The following PRKCZ variants were observed in gnomAD, a reference collection of about 807,000 sequenced individuals.
PRKCZ encodes protein kinase C zeta.
PRKCZ carries 33 observed loss-of-function variants against 79.5 expected under a neutral mutation model. The observed-to-expected ratio is 0.41, with a 90% CI of 0.31 to 0.55. The LOEUF (loss-of-function observed/expected upper bound fraction) is 0.55, where lower values mean the gene tolerates loss of function less well. Ranked by LOEUF, PRKCZ falls within the 20% of genes least tolerant of loss-of-function variation. The probability of loss-of-function intolerance (pLI) is 0.19; values close to 1 mark genes in which losing one functional copy is unlikely to be tolerated. For missense variants in PRKCZ, 578 were observed against 813.5 expected (o/e 0.71, Z 3.52); for synonymous variants, 342 against 320.9 (o/e 1.07, Z -0.70).
intron 4 of PRKCZ, among the ~76,000 whole-genome samples, chr1:2,102,752 C>T (rs1284735926): frequency 1.3e-5 from 2 of 152,158 alleles, no homozygotes; most frequent in East Asian, 1.9e-4. Flanking sequence ...AGTCTCCTCC[C>T]CCAACCCCCA....
At chr1:2,066,830 A>T (rs959016242) in intron 4 of PRKCZ, among the ~76,000 whole-genome samples, 8 of 152,284 alleles carry the variant, frequency 5.3e-5, no homozygotes, top group African/African-American at 1.9e-4. Context: ...CTGAAGAGGG[A>T]GGATCACTTG....
At chr1:2,106,276 GAA>G (rs1228373750) in intron 4 of PRKCZ, among the ~76,000 whole-genome samples, 1 of 152,228 alleles carries the variant, frequency 6.6e-6, no homozygotes, top group African/African-American at 2.4e-5. Flanking sequence ...CTTGGTACTT[GAA>G]AAGTTTTTAT....
At chr1:2,062,276 C>T (rs1660746073) in intron 4 of PRKCZ, among the ~76,000 whole-genome samples, 1 of 152,134 alleles carries the variant, frequency 6.6e-6, no homozygotes. Context: ...TGCCCCAGCC[C>T]CACCTCCGCT....
intron 4 of PRKCZ, among the ~76,000 whole-genome samples, chr1:2,102,767 T>C (rs2102604948): frequency 6.6e-6 from 1 of 152,236 alleles, no homozygotes; most frequent in East Asian, 1.9e-4. Context: ...CCCCCAACTC[T>C]CCTGCGTCAC....
Position 2,175,286 on chromosome 1 carries a change from G to A in PRKCZ, c.1548G>A (p.Ala516=), listed in dbSNP as rs145818895. 8.8e-5 allele frequency: 142 copies of A among 1,613,574 alleles called. No homozygotes were observed. Among genetic ancestry groups the A allele is most frequent in the Non-Finnish European group, 1.1e-4 (131 of 1,179,842 alleles). The part of the protein sequence containing the change: ...QTGFSDIKSH[A]FFRSIDWDLL... ...GATTTTCTGACATCAAGTCCCACGC[G>A]TTCTTCCGCAGCATAGACTGGGACT... The change falls in exon 16 of 18, where the codon GCG becomes GCA. Residue 516 remains alanine, a synonymous_variant. Transcript: ENST00000378567.
intron 4 of PRKCZ, chr1:2,074,740 C>A (rs1662081009): frequency 1.0e-5 from 2 of 193,504 alleles, no homozygotes; most frequent in African/African-American, 4.7e-5. Context: ...GCTGCGGCGT[C>A]CTGTTTTCTA....
intron 5 of PRKCZ, chr1:2,141,429 T>G (rs1677301692): frequency 1.3e-5 from 2 of 150,374 alleles, no homozygotes; most frequent in Admixed American, 6.7e-5. Context: ...CACTGCAACC[T>G]CTGCCTCCTG....
intron 4 of PRKCZ, among the ~76,000 whole-genome samples, chr1:2,118,522 A>T (rs1671202408): frequency 6.6e-6 from 1 of 151,560 alleles, no homozygotes; most frequent in Non-Finnish European, 1.5e-5. Flanking sequence ...TATTTTTAGT[A>T]GAGACGAGGT....
Position 2,172,335 on chromosome 1 carries a change from T to A in PRKCZ, c.1232T>A (p.Phe411Tyr). ...GLGPGDTTST[F>Y]CGTPNYIAPE... Reference sequence around the variant, plus strand: ...GGCCCTGGTGACACAACGAGCACTTTCTGCGGAACCCCGAATTACATCGCC... The same window carrying A: ...GGCCCTGGTGACACAACGAGCACTTACTGCGGAACCCCGAATTACATCGCC... The change falls in exon 13 of 18, where the codon TTC becomes TAC. Residue 411 changes from phenylalanine to tyrosine, a missense_variant. By Grantham distance (22) the Phe-to-Tyr change is conservative (BLOSUM62 3). Transcript: ENST00000378567. The surrounding 1 kb of genome is among the most constrained non-coding windows in gnomAD (Gnocchi z 7.8). 1 of 1,613,580 alleles carries A rather than the reference T, an allele frequency of 6.2e-7. No homozygotes were observed. The highest frequency in any genetic ancestry group is 8.5e-7 in the Non-Finnish European group (1 of 1,180,018).
chr1:2,156,420 T>G (rs1008615762), intron 10 of PRKCZ: 22 of 260,568 alleles, frequency 8.4e-5, no homozygotes, highest in African/African-American at 4.6e-4. Flanking sequence ...CAGCTTCACC[T>G]TCAAGCTTTA....
intron 4 of PRKCZ, among the ~76,000 whole-genome samples, chr1:2,069,957 C>T (rs1192447565): frequency 2.6e-5 from 4 of 152,164 alleles, no homozygotes; most frequent in Non-Finnish European, 5.9e-5. Flanking sequence ...TCAGGGTGCC[C>T]GCCCTGTGGA....
At position 2,099,682 on chromosome 1, in the gene PRKCZ, G is replaced by A. The variant is rs1018397151; in HGVS notation, c.335-35580G>A. ...ATTGACAGAGGGGAGCTCACTGGACGGGGCAGCGTGGAGGTGAGGGTCGGG... is the reference window on the plus strand; with the variant it reads ...ATTGACAGAGGGGAGCTCACTGGACAGGGCAGCGTGGAGGTGAGGGTCGGG... On this transcript the variant is annotated intron_variant, in intron 4 of 17. Transcript: ENST00000378567. Among the ~76,000 whole-genome samples the A allele has an allele frequency of 2.0e-5, 3 of 152,260 alleles. No homozygotes were observed. The East Asian group carries it at 5.8e-4, about 29-fold the overall frequency.
At position 2,125,024 on chromosome 1, in the gene PRKCZ, A is replaced by AG. The variant is rs35385782; in HGVS notation, c.335-10234dup. On this transcript the variant is annotated intron_variant, in intron 4 of 17. Transcript: ENST00000378567. The surrounding 1 kb of genome is among the most constrained non-coding windows in gnomAD (Gnocchi z 4.2). Reference sequence around the variant, plus strand: ...TTGTGACTCAGCCGCACGTCCTCCCAGGGGCCTTGCCAGCCTGGCTCTGTG... The same window carrying AG: ...TTGTGACTCAGCCGCACGTCCTCCCAGGGGGCCTTGCCAGCCTGGCTCTGTG... Among the ~76,000 whole-genome samples the AG allele has an allele frequency of 9.0e-4, 137 of 152,262 alleles. No individual in the cohort carries two copies. Among genetic ancestry groups the AG allele is most frequent in the South Asian group, 5.4e-3 (26 of 4,824 alleles).
At chr1:2,065,310 C>T (rs184763174) in intron 4 of PRKCZ, among the ~76,000 whole-genome samples, 6 of 152,238 alleles carry the variant, frequency 3.9e-5, no homozygotes, top group African/African-American at 7.2e-5. Context: ...CTTTTTCCTT[C>T]CTAATTTGGA....
At chr1:2,158,794 A>T (rs1318084653) in intron 10 of PRKCZ, among the ~76,000 whole-genome samples, 5 of 152,184 alleles carry the variant, frequency 3.3e-5, no homozygotes, top group Non-Finnish European at 5.9e-5. Context: ...AAGTTCCCAG[A>T]TGCGTAAACC....
chr1:2,158,704 A>G (rs759877701), intron 10 of PRKCZ, among the ~76,000 whole-genome samples: 1 of 152,152 alleles, frequency 6.6e-6, no homozygotes, highest in Non-Finnish European at 1.5e-5. Context: ...GGGGTCCGAT[A>G]TCCCACCCTC....
chr1:2,073,650 TTAG>T, intron 4 of PRKCZ: 1 of 991,192 alleles, frequency 1.0e-6, no homozygotes. Context: ...ATGCCGTGTT[TTAG>T]TTTGTGCCTC....
At chr1:2,140,326 A>G (rs364677) in intron 5 of PRKCZ, among the ~76,000 whole-genome samples, 94,574 of 152,106 alleles carry the variant, frequency 0.62, 29,444 homozygotes, top group East Asian at 0.74. Context: ...TAAGGGTGTG[A>G]CAGGTCTAAA....
intron 9 of PRKCZ, among the ~76,000 whole-genome samples, chr1:2,155,276 G>T (rs1407192221): frequency 1.4e-5 from 2 of 147,202 alleles, no homozygotes; most frequent in Non-Finnish European, 3.0e-5. Flanking sequence ...TGACGGTGGT[G>T]GTGATGATGA....
Sources: allele counts gnomAD v4.1 joint callset (sites outside exome capture counted in the v4.1 genomes callset), GRCh38; gene constraint gnomAD v4.1.1; non-coding constraint Gnocchi (gnomAD v3.1); transcripts MANE v1.5; gene names NCBI Gene and HGNC (gene_info 2026-07-23, HGNC 2026-07-21).